CELSR1: variants seen among roughly 807,000 people sequenced by gnomAD.
CELSR1 encodes cadherin EGF LAG seven-pass G-type receptor 1, also known as adhesion G protein-coupled receptor C1.
In CELSR1, 110 loss-of-function variants were observed where a neutral mutation model predicts 249.1. The ratio of observed to expected loss-of-function variants is 0.44; its 90% confidence interval spans 0.38 to 0.52. The LOEUF (loss-of-function observed/expected upper bound fraction) is 0.52. Among genes scored for constraint, CELSR1 ranks in the 20% least tolerant of loss-of-function variants. CELSR1 has a pLI of 0.00. For missense variants in CELSR1, 4,109 were observed against 4,296.4 expected, an observed-to-expected ratio of 0.96 and a Z score of 1.22; for synonymous variants, 2,113 against 1,900.0, an observed-to-expected ratio of 1.11 and a Z score of -2.92.
intron 1 of CELSR1, among the ~76,000 whole-genome samples, chr22:46,511,807 C>A (rs1046485203): frequency 3.9e-5 from 6 of 152,128 alleles, no homozygotes; most frequent in African/African-American, 1.4e-4. Context: ...TGGTATGGGG[C>A]AGCCCCAGGA....
In CELSR1 at chr22:46,468,350, C is replaced by T. The variant is rs953130318; in HGVS notation, c.3545-4005G>A. 1.0e-3 allele frequency among the ~76,000 whole-genome samples: 155 copies of T among 149,918 alleles called. 1 individual carries two copies. The highest frequency in any genetic ancestry group is 3.3e-3 in the Admixed American group (49 of 14,880). ...GTGGTGAGCCAAGATCATACCACTG[C>T]ACTCCAGCCTGGGCAACAAAGCAAG... On this transcript the variant is annotated intron_variant, in intron 1 of 34. Transcript: ENST00000674500. The surrounding 1 kb of genome is among the most constrained non-coding windows in gnomAD (Gnocchi z 4.5).
chr22:46,487,181 T>C (rs2147685082), intron 1 of CELSR1, among the ~76,000 whole-genome samples: 1 of 152,272 alleles, frequency 6.6e-6, no homozygotes, highest in Admixed American at 6.5e-5. Flanking sequence ...TGCTATTGCA[T>C]GATTAAGAGA....
chr22:46,367,201 C>G (rs781564065), intron 28 of CELSR1, 83 bp from the exon 29 acceptor site: 19 of 1,511,324 alleles, frequency 1.3e-5, no homozygotes, highest in Non-Finnish European at 1.6e-5. Flanking sequence ...GATGCGCATA[C>G]AGCCTTGAGT....
Position 46,477,434 on chromosome 22 carries a change from T to A in CELSR1, c.3545-13089A>T, listed in dbSNP as rs184242272. The stretch of plus-strand genomic sequence containing the variant: ...ACGTCTGACCACAAGAAACCCCTTG[T>A]TGGGGAGTGCCGGGAACTCCTGTGG... On this transcript the variant is annotated intron_variant, in intron 1 of 34. Coordinates refer to ENST00000674500, the MANE Select transcript of CELSR1 (RefSeq NM_001378328.1). Among the ~76,000 whole-genome samples the A allele has an allele frequency of 6.2e-3, 937 of 152,260 alleles. 4 individuals carry two copies. The highest frequency in any genetic ancestry group is 0.01 in the Admixed American group (159 of 15,286).
intron 1 of CELSR1, among the ~76,000 whole-genome samples, chr22:46,470,417 C>T (rs2079948177): frequency 6.6e-6 from 1 of 151,874 alleles, no homozygotes; most frequent in African/African-American, 2.4e-5. Context: ...TTCCTGGGGG[C>T]AGCCCAGGAA....
At chr22:46,443,177 C>T (rs1020979194) in intron 2 of CELSR1, among the ~76,000 whole-genome samples, 8 of 152,148 alleles carry the variant, frequency 5.3e-5, no homozygotes, top group Non-Finnish European at 1.0e-4. Context: ...CTCTCGAGAA[C>T]GAGGAGGGCT....
intron 33 of CELSR1, 79 bp from the exon 34 acceptor site, chr22:46,364,330 A>G: frequency 1.3e-6 from 2 of 1,561,838 alleles, no homozygotes; most frequent in South Asian, 2.3e-5. Context: ...CAGCTGAGCC[A>G]GCCTCAGCCC....
intron 1 of CELSR1, among the ~76,000 whole-genome samples, chr22:46,493,611 C>A (rs971206034): frequency 6.6e-6 from 1 of 151,892 alleles, no homozygotes; most frequent in Non-Finnish European, 1.5e-5. Flanking sequence ...CCACCCAAAT[C>A]TCATCTTGAA....
chr22:46,452,833 T>A (rs1384774841), intron 2 of CELSR1, among the ~76,000 whole-genome samples: 1 of 152,220 alleles, frequency 6.6e-6, no homozygotes, highest in Admixed American at 6.5e-5. Context: ...GCCCAGCACA[T>A]GCCAAGAAGA....
intron 2 of CELSR1, among the ~76,000 whole-genome samples, chr22:46,457,585 G>C (rs9616009): frequency 6.6e-6 from 1 of 151,990 alleles, no homozygotes; most frequent in Non-Finnish European, 1.5e-5. Context: ...TCAGGAATGC[G>C]CCCCATGGGA....
intron 2 of CELSR1, among the ~76,000 whole-genome samples, chr22:46,452,009 G>A (rs973693896): frequency 3.9e-5 from 6 of 152,274 alleles, no homozygotes; most frequent in South Asian, 2.1e-4. Context: ...ACCAGGCGCC[G>A]GGGAGGCAGG....
intron 1 of CELSR1, among the ~76,000 whole-genome samples, chr22:46,515,414 C>G (rs569571169): frequency 1.3e-5 from 2 of 152,240 alleles, no homozygotes; most frequent in African/African-American, 4.8e-5. Flanking sequence ...CATGTTTCAT[C>G]AGGGTAAAGG....
At chr22:46,421,458 G>GC in intron 5 of CELSR1, among the ~76,000 whole-genome samples, 1 of 152,320 alleles carries the variant, frequency 6.6e-6, no homozygotes, top group African/African-American at 2.4e-5. Flanking sequence ...GCCCAGGGTG[G>GC]GGCGGCGCTT....
Position 46,389,399 on chromosome 22 carries a change from A to G in CELSR1, c.6446T>C (p.Phe2149Ser). The G allele has an allele frequency of 2.5e-6, 4 of 1,612,252 alleles. No homozygotes were observed. Among genetic ancestry groups the G allele is most frequent in the Non-Finnish European group, 3.4e-6 (4 of 1,179,926 alleles). ...GTAGGCCGTGCGCACGTCATTGCCA[A>G]AGAGCGTGCCCGTGTGCTGTGTAGC... ...RSATQHTGTL[F>S]GNDVRTAYQL... The change falls in exon 18 of 35, where the codon TTT becomes TCT. Residue 2149 changes from phenylalanine to serine, a missense_variant. By Grantham distance (155) the Phe-to-Ser change is radical. Around this residue, in one of 7 missense-constraint regions of CELSR1, gnomAD observed 1,805 missense variants for 1,831.6 expected, o/e 0.99. Coordinates refer to ENST00000674500, the MANE Select transcript of CELSR1 (RefSeq NM_001378328.1).
Position 46,363,399 on chromosome 22 carries a change from G to A in CELSR1, c.9036-152C>T. On this transcript the variant is annotated intron_variant, in intron 34 of 34. Transcript: ENST00000674500. The surrounding 1 kb of genome is among the most constrained non-coding windows in gnomAD (Gnocchi z 4.3). ...CAGGGAGGGCAAGCTCATGTTGGATGAGGCTGCCCTTGGGAGGCAGGAGAG... is the reference window on the plus strand; with the variant it reads ...CAGGGAGGGCAAGCTCATGTTGGATAAGGCTGCCCTTGGGAGGCAGGAGAG... The A allele has an allele frequency of 7.9e-6, 5 of 630,208 alleles. No homozygotes were observed. In the South Asian group the frequency reaches 9.3e-5, roughly 12 times the overall value. The allele number at this position is 630,208 out of a possible 1,614,324, so 39.0% of individuals were successfully genotyped here. A position where few individuals can be genotyped will look rare whatever the true frequency, so the allele number is the denominator to read the frequency against.
At chr22:46,461,828 C>G (rs150571500) in intron 2 of CELSR1, among the ~76,000 whole-genome samples, 1 of 152,258 alleles carries the variant, frequency 6.6e-6, no homozygotes, top group Admixed American at 6.5e-5. Flanking sequence ...AAGCGCCCCC[C>G]ACCCAGGCCA....
In CELSR1 at chr22:46,399,789, C is replaced by T. The variant is rs1229493939; in HGVS notation, c.5340G>A (p.Glu1780=). Residue 1780 remains glutamate (E), a synonymous_variant, in exon 10 of 35, where the codon GAG becomes GAA. Transcript: ENST00000674500. The surrounding 1 kb of genome is among the most constrained non-coding windows in gnomAD (Gnocchi z 5.0). ...TDGEWHHLLI[E]LKNVKEDSEM... ...CACTGTCCTCCTTAACATTCTTCAGCTCGATCAGCAGGTGGTGCCACTCCC... is the reference window on the plus strand; with the variant it reads ...CACTGTCCTCCTTAACATTCTTCAGTTCGATCAGCAGGTGGTGCCACTCCC... The T allele has an allele frequency of 6.2e-7, 1 of 1,614,134 alleles. No homozygotes were observed. The highest frequency in any genetic ancestry group is 1.3e-5 in the African/African-American group (1 of 75,044).
chr22:46,537,199 C>A lies in CELSR1; in HGVS notation c.-29G>T. 2 of 1,018,740 alleles carry A rather than the reference C, an allele frequency of 2.0e-6. No homozygotes were observed. Among genetic ancestry groups the A allele is most frequent in the African/African-American group, 1.7e-5 (1 of 57,454 alleles). 63.1% of individuals were successfully genotyped at this position (1,018,740 alleles called of 1,614,324 possible). A position where few individuals can be genotyped will look rare whatever the true frequency, so the allele number is the denominator to read the frequency against. On this transcript the variant is annotated 5_prime_UTR_variant, in exon 1 of 35. Transcript: ENST00000674500. The surrounding 1 kb of genome is among the most constrained non-coding windows in gnomAD (Gnocchi z 5.8). ...CCGGAGCCCGAGCCCGAGCCGGGCG[C>A]CCGAACACAATCCATGCACCCGGCG...
intron 2 of CELSR1, among the ~76,000 whole-genome samples, chr22:46,444,734 G>GC (rs1427957706): frequency 1.3e-5 from 2 of 152,162 alleles, no homozygotes; most frequent in Non-Finnish European, 2.9e-5. Context: ...AGTCGCACAG[G>GC]CCAGGAGTCC....
Sources: gnomAD v4.1 joint callset for allele counts (sites outside exome capture counted in the v4.1 genomes callset) on GRCh38, gnomAD v4.1.1 for gene constraint, gnomAD v4.1.1 regional missense constraint, Gnocchi (gnomAD v3.1) non-coding constraint, MANE v1.5 for transcripts, NCBI Gene and HGNC (gene_info 2026-07-23, HGNC 2026-07-21) for gene names.